The following SMYD3 variants were observed in gnomAD, a reference collection of about 807,000 sequenced individuals.
The protein encoded by SMYD3 is histone-lysine N-methyltransferase SMYD3.
In SMYD3, 36 loss-of-function variants were observed where a neutral mutation model predicts 57.7. The ratio of observed to expected loss-of-function variants is 0.62; its 90% CI spans 0.48 to 0.82. The LOEUF (loss-of-function observed/expected upper bound fraction) is 0.82. Among genes scored for constraint, SMYD3 ranks in the 40% least tolerant of loss-of-function variants. The pLI, the probability that SMYD3 is intolerant of heterozygous loss-of-function variation, is 0.00. For missense variants in SMYD3, 515 were observed against 538.8 expected (o/e 0.96, Z 0.44); for synonymous variants, 211 against 195.0 (o/e 1.08, Z -0.68).
chr1:246,116,247 C>T (rs12065061), intron 5 of SMYD3, among the ~76,000 whole-genome samples: 24,697 of 135,070 alleles, frequency 0.18, 3,622 homozygotes, highest in African/African-American at 0.42. Flanking sequence ...CACACACACA[C>T]ATTCTGCTAA....
At chr1:245,999,356 G>T (rs1362319303) in intron 5 of SMYD3, among the ~76,000 whole-genome samples, 1 of 152,090 alleles carries the variant, frequency 6.6e-6, no homozygotes, top group African/African-American at 2.4e-5. Context: ...AATTGTTCTG[G>T]GTGCTATCCA....
intron 5 of SMYD3, among the ~76,000 whole-genome samples, chr1:246,020,799 A>G (rs1159572407): frequency 6.6e-6 from 1 of 152,180 alleles, no homozygotes; most frequent in African/African-American, 2.4e-5. Flanking sequence ...TGAAGTCAGA[A>G]AGCCTGACTG....
intron 5 of SMYD3, among the ~76,000 whole-genome samples, chr1:246,260,916 C>G (rs966037251): frequency 6.6e-6 from 1 of 152,098 alleles, no homozygotes; most frequent in Non-Finnish European, 1.5e-5. Context: ...TGTAGAGTGA[C>G]CCAAGTACAG....
chr1:246,241,330 T>G (rs1467024607), intron 5 of SMYD3, among the ~76,000 whole-genome samples: 1 of 152,232 alleles, frequency 6.6e-6, no homozygotes, highest in African/African-American at 2.4e-5. Flanking sequence ...GAAGGCCTTT[T>G]CTGCATCTAT....
chr1:245,969,442 C>T (rs1475943659), intron 5 of SMYD3, among the ~76,000 whole-genome samples: 1 of 152,246 alleles, frequency 6.6e-6, no homozygotes, highest in African/African-American at 2.4e-5. Context: ...CCTCGCTTGT[C>T]TGAGTCAGCT....
At chr1:246,112,095 T>C (rs1466592457) in intron 5 of SMYD3, among the ~76,000 whole-genome samples, 4 of 152,230 alleles carry the variant, frequency 2.6e-5, no homozygotes, top group African/African-American at 4.8e-5. Context: ...CAAATAATAT[T>C]ATATACTCTG....
chr1:245,858,757 C>T, intron 9 of SMYD3, 87 bp from the exon 10 acceptor site: 2 of 1,418,398 alleles, frequency 1.4e-6, no homozygotes, highest in Non-Finnish European at 1.9e-6. Flanking sequence ...AAAGAGCTCC[C>T]AAGCACAGGA....
chr1:246,362,093 T>C (rs1386833723), intron 1 of SMYD3, among the ~76,000 whole-genome samples: 3 of 152,150 alleles, frequency 2.0e-5, no homozygotes, highest in Admixed American at 2.0e-4. Context: ...TTTGGTAGAA[T>C]ATACGTAACA....
At chr1:246,268,051 G>A (rs952279097) in intron 5 of SMYD3, among the ~76,000 whole-genome samples, 1 of 152,118 alleles carries the variant, frequency 6.6e-6, no homozygotes, top group Non-Finnish European at 1.5e-5. Flanking sequence ...GAATTGTATT[G>A]TCAGAGGCGT....
intron 1 of SMYD3, among the ~76,000 whole-genome samples, chr1:246,463,661 C>CAAAAAAAA (rs35482116): frequency 3.7e-3 from 269 of 73,092 alleles, no homozygotes; most frequent in African/African-American, 4.4e-3. Context: ...ACTAAAAATA[C>CAAAAAAAA]AAAAAAAAAA....
intron 10 of SMYD3, among the ~76,000 whole-genome samples, chr1:245,835,890 G>A (rs1000149388): frequency 6.6e-5 from 10 of 152,182 alleles, no homozygotes; most frequent in South Asian, 2.1e-4. Flanking sequence ...CTCCGTCGAC[G>A]TGACTTGTTA....
chr1:245,955,589 T>C (rs114330900), intron 5 of SMYD3, among the ~76,000 whole-genome samples: 342 of 152,334 alleles, frequency 2.2e-3, no homozygotes, highest in Non-Finnish European at 3.4e-3. Context: ...TACCTGAGTA[T>C]AGATAGTACA....
At chr1:245,761,084 T>C (rs1241176284) in intron 11 of SMYD3, among the ~76,000 whole-genome samples, 1 of 152,198 alleles carries the variant, frequency 6.6e-6, no homozygotes, top group Non-Finnish European at 1.5e-5. Context: ...GCATGTTTGC[T>C]CCTTGGTTGA....
At chr1:245,789,450 TAC>T (rs2047177726) in intron 10 of SMYD3, among the ~76,000 whole-genome samples, 2 of 152,096 alleles carry the variant, frequency 1.3e-5, no homozygotes, top group Admixed American at 6.5e-5. Flanking sequence ...AAAAATAAAA[TAC>T]AGACTAAGAA....
intron 7 of SMYD3, among the ~76,000 whole-genome samples, chr1:245,927,484 G>A (rs2056450545): frequency 6.6e-6 from 1 of 152,212 alleles, no homozygotes; most frequent in Non-Finnish European, 1.5e-5. Flanking sequence ...AAGTTAACAT[G>A]CATCATTACC....
At chr1:246,257,905 C>A (rs1249916878) in intron 5 of SMYD3, among the ~76,000 whole-genome samples, 2 of 152,196 alleles carry the variant, frequency 1.3e-5, no homozygotes, top group African/African-American at 4.8e-5. Context: ...AAGACGGCTG[C>A]CCCTCCTTTA....
chr1:246,262,656 T>C (rs1432148805), intron 5 of SMYD3, among the ~76,000 whole-genome samples: 7 of 152,088 alleles, frequency 4.6e-5, no homozygotes, highest in East Asian at 1.9e-4. Context: ...TACTAAACCA[T>C]ATAGCCGGTC....
At chr1:245,869,296 G>C (rs2052043114) in intron 8 of SMYD3, among the ~76,000 whole-genome samples, 1 of 152,188 alleles carries the variant, frequency 6.6e-6, no homozygotes, top group Non-Finnish European at 1.5e-5. Context: ...TGACTTTCCT[G>C]GGAAATGATC....
intron 1 of SMYD3, among the ~76,000 whole-genome samples, chr1:246,378,654 T>TAC (rs1553339972): frequency 1.9e-4 from 24 of 128,682 alleles, no homozygotes; most frequent in Admixed American, 7.3e-4. Flanking sequence ...TATATATATA[T>TAC]ACACACACAC....
Sources: allele counts gnomAD v4.1 joint callset (sites outside exome capture counted in the v4.1 genomes callset), GRCh38; gene constraint gnomAD v4.1.1; transcripts MANE v1.5; gene names NCBI Gene and HGNC (gene_info 2026-07-23, HGNC 2026-07-21).